Variants in DTNA observed in about 807,000 individuals in gnomAD.
The protein encoded by DTNA is dystrophin-related protein 3.
DTNA carries 43 observed loss-of-function variants against 100.7 expected under a neutral mutation model. The observed-to-expected ratio is 0.43, with a 90% confidence interval of 0.33 to 0.55. The LOEUF is 0.55. DTNA is among the 20% of genes least tolerant of loss of function. The pLI is 0.04. For synonymous variants in DTNA, 349 were observed against 347.9 expected, an observed-to-expected ratio of 1.00 and a Z score of -0.04; for missense variants, 798 against 953.9, an observed-to-expected ratio of 0.84 and a Z score of 2.15.
At chr18:34,838,256 G>T in intron 12 of DTNA, 85 bp downstream of exon 12, 1 of 1,437,512 alleles carries the variant, frequency 7.0e-7, no homozygotes, top group South Asian at 1.2e-5. Flanking sequence ...CTTTGTGTGT[G>T]AAAGACTGTC....
intron 1 of DTNA, among the ~76,000 whole-genome samples, chr18:34,584,871 G>T (rs772484945): frequency 4.0e-5 from 6 of 151,880 alleles, no homozygotes; most frequent in Non-Finnish European, 8.8e-5. Flanking sequence ...AACAAAGAAA[G>T]ATAGAAAGTC....
In DTNA at chr18:34,890,582, C is replaced by A; in HGVS notation, c.*2848C>A. ...CCTGTTAATAAGCACTGGTCTAACA[C>A]AGCCAACCCTCCTCCACAGCGCCAT... is the stretch of plus-strand genomic sequence containing the variant. On this transcript the variant is annotated 3_prime_UTR_variant, in exon 23 of 23. Transcript: ENST00000444659. 1 of 1,254,446 alleles carries A rather than the reference C, an allele frequency of 8.0e-7. No individual in the cohort carries two copies. The highest frequency in any genetic ancestry group is 1.5e-5 in the African/African-American group (1 of 66,456). 77.7% of individuals were successfully genotyped at this position (1,254,446 alleles called of 1,614,324 possible). A position where few individuals can be genotyped will look rare whatever the true frequency, so the allele number is the denominator to read the frequency against.
At chr18:34,544,751 A>G (rs749360270) in intron 1 of DTNA, among the ~76,000 whole-genome samples, 1 of 151,646 alleles carries the variant, frequency 6.6e-6, no homozygotes, top group Non-Finnish European at 1.5e-5. Flanking sequence ...GTGTTTGGCT[A>G]TGGTAATTAC....
intron 1 of DTNA, among the ~76,000 whole-genome samples, chr18:34,642,627 C>T (rs765329298): frequency 1.3e-5 from 2 of 151,794 alleles, no homozygotes; most frequent in African/African-American, 2.4e-5. Context: ...GGCGCGATCT[C>T]GGCTCACTGC....
At chr18:34,516,018 T>C (rs751829359) in intron 1 of DTNA, among the ~76,000 whole-genome samples, 15 of 152,144 alleles carry the variant, frequency 9.9e-5, no homozygotes, top group Non-Finnish European at 2.1e-4. Context: ...CCAATCTTTT[T>C]CTATAACCAT....
intron 3 of DTNA, among the ~76,000 whole-genome samples, chr18:34,776,253 G>GAA (rs1310205639): frequency 1.3e-5 from 2 of 152,178 alleles, no homozygotes; most frequent in African/African-American, 4.8e-5. Flanking sequence ...GTGGGAGAGA[G>GAA]AAGTCAAAAG....
intron 1 of DTNA, among the ~76,000 whole-genome samples, chr18:34,667,485 C>T (rs1568166756): frequency 1.3e-5 from 2 of 152,214 alleles, no homozygotes; most frequent in South Asian, 2.1e-4. Flanking sequence ...TGAGAGAGGG[C>T]ATCCCTGTCT....
At chr18:34,556,437 C>T (rs1000599953) in intron 1 of DTNA, among the ~76,000 whole-genome samples, 37 of 150,092 alleles carry the variant, frequency 2.5e-4, no homozygotes, top group African/African-American at 7.6e-4. Context: ...TGATTTTGCT[C>T]GTTAGTTGAT....
At chr18:34,858,162 G>A (rs915854749) in intron 15 of DTNA, 123 bp from the exon 16 acceptor site, 16 of 859,936 alleles carry the variant, frequency 1.9e-5, no homozygotes, top group Middle Eastern at 2.8e-4. Flanking sequence ...AGGGAAGGTC[G>A]GTTCTGCTCC....
chr18:34,802,103 G>A (rs1602291557), intron 4 of DTNA, among the ~76,000 whole-genome samples: 1 of 152,324 alleles, frequency 6.6e-6, no homozygotes, highest in African/African-American at 2.4e-5. Flanking sequence ...ATACTGCCAT[G>A]GCTTTTCATA....
chr18:34,513,641 G>A (rs1465516203), intron 1 of DTNA: 2 of 152,106 alleles, frequency 1.3e-5, no homozygotes, highest in African/African-American at 4.8e-5. Flanking sequence ...AGCAGCTGGA[G>A]ACACCACTCC....
At chr18:34,715,410 C>G (rs1004163992) in intron 1 of DTNA, among the ~76,000 whole-genome samples, 2 of 151,990 alleles carry the variant, frequency 1.3e-5, no homozygotes, top group African/African-American at 4.8e-5. Flanking sequence ...AATAATTCCC[C>G]ACTCTCAAAC....
chr18:34,872,593 C>T (rs1184053780), intron 17 of DTNA, among the ~76,000 whole-genome samples: 1 of 152,182 alleles, frequency 6.6e-6, no homozygotes, highest in Non-Finnish European at 1.5e-5. Flanking sequence ...TTTTGGCTTT[C>T]AGAATTGCAA....
chr18:34,829,409 G>C lies in DTNA; in HGVS notation c.1095G>C (p.Glu365Asp). The change falls in exon 11 of 23, where the codon GAG (glutamate) becomes GAC (aspartate). Residue 365 changes from glutamate to aspartate, a missense_variant. By Grantham distance (45) the Glu-to-Asp change is conservative. This residue lies in a region of DTNA where 93 missense variants were observed against 90.5 expected (regional missense o/e 1.03). Coordinates refer to ENST00000444659, the MANE Select transcript of DTNA (RefSeq NM_001386795.1). ...GSPFITRRLPEGISASSPVAE... is the reference protein window; with the variant it reads ...GSPFITRRLPDGISASSPVAE... ...TGTTTGACTCCCTCAGGTTACCTGAGGGAATAAGTGCATCCAGCCCTGTGG... is the reference window on the plus strand; with the variant it reads ...TGTTTGACTCCCTCAGGTTACCTGACGGAATAAGTGCATCCAGCCCTGTGG... The C allele has an allele frequency of 9.1e-6, 14 of 1,535,166 alleles. No individual in the cohort carries two copies. Among genetic ancestry groups the C allele is most frequent in the Non-Finnish European group, 1.2e-5 (14 of 1,146,550 alleles).
Position 34,888,229 on chromosome 18 carries a change from T to C in DTNA, c.*495T>C. 8 of 985,874 alleles carry C rather than the reference T, an allele frequency of 8.1e-6. No homozygotes were observed. Among genetic ancestry groups the C allele is most frequent in the Non-Finnish European group, 8.4e-6 (7 of 829,930 alleles). 61.1% of individuals were successfully genotyped at this position (985,874 alleles called of 1,614,324 possible). ...GCTAGAAGTTTGATTTCTGAATTCT[T>C]TGAGATTTTAGCAAAACAGTTTATT... is the stretch of plus-strand genomic sequence containing the variant. On this transcript the variant is annotated 3_prime_UTR_variant, in exon 23 of 23. Coordinates refer to ENST00000444659, the MANE Select transcript of DTNA (RefSeq NM_001386795.1).
At chr18:34,837,349 C>G (rs185253515) in intron 11 of DTNA, among the ~76,000 whole-genome samples, 9 of 152,214 alleles carry the variant, frequency 5.9e-5, no homozygotes, top group Admixed American at 5.9e-4. Flanking sequence ...CATAGCCACA[C>G]TTAATGAATT....
intron 1 of DTNA, among the ~76,000 whole-genome samples, chr18:34,523,624 T>C (rs2042344144): frequency 6.6e-6 from 1 of 152,172 alleles, no homozygotes; most frequent in African/African-American, 2.4e-5. Flanking sequence ...TCATATATAT[T>C]ATCTCCTTTG....
intron 1 of DTNA, among the ~76,000 whole-genome samples, chr18:34,693,752 G>C (rs2080115020): frequency 7.2e-6 from 1 of 137,958 alleles, no homozygotes; most frequent in Non-Finnish European, 1.6e-5. Context: ...TGCACTGTGT[G>C]TGTGTGTGTG....
At chr18:34,878,145 TG>T (rs1354746500) in intron 19 of DTNA, among the ~76,000 whole-genome samples, 1 of 152,144 alleles carries the variant, frequency 6.6e-6, no homozygotes, top group African/African-American at 2.4e-5. Context: ...GCTAATTTTT[TG>T]TTGTTGTTTT....
Sources: allele counts gnomAD v4.1 joint callset (sites outside exome capture counted in the v4.1 genomes callset), GRCh38; gene constraint gnomAD v4.1.1; regional missense constraint gnomAD v4.1.1; transcripts MANE v1.5; gene names NCBI Gene and HGNC (gene_info 2026-07-23, HGNC 2026-07-21).